Variants in LVRN observed in about 807,000 individuals in gnomAD.
The protein encoded by LVRN is aminopeptidase Q.
LVRN carries 99 observed loss-of-function variants against 111.4 expected under a neutral mutation model. That is an observed-to-expected ratio of 0.89 (90% CI 0.76 to 1.05). The LOEUF (loss-of-function observed/expected upper bound fraction) is 1.05, where lower values mean the gene tolerates loss of function less well. Ranked by LOEUF, LVRN falls within the 50% of genes least tolerant of loss-of-function variation. The pLI is 0.00. For missense variants in LVRN, 1,414 were observed against 1,206.8 expected (o/e 1.17, Z -2.54); for synonymous variants, 488 against 449.5 (o/e 1.09, Z -1.08).
chr5:115,997,512 T>C (rs1179185360), intron 6 of LVRN, among the ~76,000 whole-genome samples: 1 of 151,888 alleles, frequency 6.6e-6, no homozygotes, highest in Non-Finnish European at 1.5e-5. Flanking sequence ...AAAATTTTTT[T>C]AATTAGCAGG....
intron 18 of LVRN, among the ~76,000 whole-genome samples, chr5:116,020,427 T>G (rs143205660): frequency 6.6e-6 from 1 of 152,320 alleles, no homozygotes; most frequent in Non-Finnish European, 1.5e-5. Flanking sequence ...GAAAAACCAC[T>G]TTTATTTGAA....
chr5:116,015,388 A>G lies in LVRN; in HGVS notation c.2587A>G (p.Ser863Gly), dbSNP rs748228811. 2.6e-6 allele frequency: 4 copies of G among 1,533,376 alleles called. No homozygotes were observed. The South Asian group carries it at 5.0e-5, about 19-fold the overall frequency. 95.0% of individuals were successfully genotyped at this position (1,533,376 alleles called of 1,614,324 possible). Residue 863 changes from serine to glycine, a missense_variant, in exon 17 of 20, where the codon AGC (serine) becomes GGC (glycine). By Grantham distance (56) the Ser-to-Gly change is moderately conservative (BLOSUM62 0). Transcript: ENST00000357872. ...AAAGATTCAACTTGCTTATGCAATGAGCTGCAGCAAAGACCCATGGATACT... is the reference window on the plus strand; with the variant it reads ...AAAGATTCAACTTGCTTATGCAATGGGCTGCAGCAAAGACCCATGGATACT... ...EEKIQLAYAM[S>G]CSKDPWILNR...
chr5:115,963,849 C>T (rs1028699811), intron 1 of LVRN, among the ~76,000 whole-genome samples: 2 of 152,184 alleles, frequency 1.3e-5, no homozygotes, highest in African/African-American at 4.8e-5. Context: ...GTTTCTATTG[C>T]TGCCCCTTTT....
In LVRN at chr5:116,022,662, G is replaced by T. The variant is rs114306825; in HGVS notation, c.2832+196G>T. Reference sequence around the variant, plus strand: ...AATAGAGATCACCTGTTCATGGAGGGTGGCACTTCATCCTCTCTCACCTGA... The same window carrying T: ...AATAGAGATCACCTGTTCATGGAGGTTGGCACTTCATCCTCTCTCACCTGA... On this transcript the variant is annotated intron_variant, in intron 19 of 19. Transcript: ENST00000357872. Among the ~76,000 whole-genome samples the T allele has an allele frequency of 4.8e-3, 730 of 152,288 alleles. 5 individuals carry two copies. Among genetic ancestry groups the T allele is most frequent in the East Asian group, 0.024 (125 of 5,188 alleles).
intron 15 of LVRN, 72 bp downstream of exon 15, chr5:116,012,540 T>C: frequency 1.1e-6 from 1 of 918,508 alleles, no homozygotes; most frequent in African/African-American, 1.7e-5. Context: ...AGTAATAAAA[T>C]AAAATCTTCA....
intron 6 of LVRN, among the ~76,000 whole-genome samples, chr5:115,998,879 G>C (rs898700809): frequency 6.6e-6 from 1 of 152,136 alleles, no homozygotes; most frequent in African/African-American, 2.4e-5. Flanking sequence ...GGTATTACTA[G>C]CCTAAAAATA....
In LVRN at chr5:115,999,718, G is replaced by A. The variant is rs764975860; in HGVS notation, c.1375-44G>A. On this transcript the variant is annotated intron_variant, in intron 6 of 19. Coordinates refer to ENST00000357872, the MANE Select transcript of LVRN (RefSeq NM_173800.5). The stretch of plus-strand genomic sequence containing the variant: ...TAGGGCCATAGAATTTTGGTCTTCT[G>A]TGACACCTCAGGAGTTAATGTGCCT... 1.9e-6 allele frequency: 3 copies of A among 1,597,642 alleles called. No homozygotes were observed. In the African/African-American group the frequency reaches 4.1e-5, roughly 22 times the overall value.
Position 116,010,903 on chromosome 5 carries a change from ATTCT to A in LVRN, c.2247+15_2247+18del. 6.5e-7 allele frequency: 1 copy of A among 1,539,916 alleles called. No homozygotes were observed. The highest frequency in any genetic ancestry group is 8.7e-7 in the Non-Finnish European group (1 of 1,146,526). On this transcript the variant is annotated intron_variant, in intron 14 of 19. Transcript: ENST00000357872. ...TATACTCATTATTAAAGGTAATTTCATTCTTTCTTATGTAGTTTTTAAATAAATC... is the reference window on the plus strand; with the variant it reads ...TATACTCATTATTAAAGGTAATTTCATTCTTATGTAGTTTTTAAATAAATC...
intron 12 of LVRN, among the ~76,000 whole-genome samples, chr5:116,004,695 C>A (rs1298980151): frequency 2.6e-5 from 4 of 152,132 alleles, no homozygotes; most frequent in African/African-American, 9.7e-5. Flanking sequence ...CTCTTCCTAA[C>A]AGAAAGATCA....
chr5:115,980,120 C>T (rs1208025065), intron 1 of LVRN, among the ~76,000 whole-genome samples: 2 of 152,094 alleles, frequency 1.3e-5, no homozygotes, highest in East Asian at 1.9e-4. Flanking sequence ...ACTCCCTCAC[C>T]AGCTGACCAT....
intron 6 of LVRN, among the ~76,000 whole-genome samples, chr5:115,994,553 G>A (rs190748273): frequency 1.3e-5 from 2 of 152,174 alleles, no homozygotes; most frequent in African/African-American, 2.4e-5. Flanking sequence ...GATTACAGGC[G>A]TGAGCTACCG....
intron 10 of LVRN, among the ~76,000 whole-genome samples, chr5:116,002,137 G>A (rs1016943417): frequency 6.6e-6 from 1 of 152,202 alleles, no homozygotes; most frequent in African/African-American, 2.4e-5. Flanking sequence ...GTACTACTCT[G>A]TGGTTTTTGA....
intron 1 of LVRN, among the ~76,000 whole-genome samples, chr5:115,970,572 A>C (rs1753303440): frequency 6.6e-6 from 1 of 151,914 alleles, no homozygotes; most frequent in Non-Finnish European, 1.5e-5. Flanking sequence ...ATTTCAGTAG[A>C]GATGGGGTTT....
chr5:116,014,328 C>T lies in LVRN; in HGVS notation c.2343-92C>T, dbSNP rs909913639. ...GTCATTGAAAGGATATTTAAAAATA[C>T]CCATCTTTTTATGAAACACATATTC... On this transcript the variant is annotated intron_variant, in intron 15 of 19. Coordinates refer to ENST00000357872, the MANE Select transcript of LVRN (RefSeq NM_173800.5). The T allele has an allele frequency of 4.6e-6, 4 of 868,042 alleles. No individual in the cohort carries two copies. The African/African-American group carries it at 5.2e-5, about 11-fold the overall frequency. The allele number at this position is 868,042 out of a possible 1,614,324, so 53.8% of individuals were successfully genotyped here.
intron 1 of LVRN, among the ~76,000 whole-genome samples, chr5:115,967,541 C>T (rs1753229047): frequency 1.3e-5 from 2 of 152,140 alleles, no homozygotes; most frequent in African/African-American, 4.8e-5. Flanking sequence ...TACAATAAGT[C>T]TTGAAATTGT....
At chr5:115,977,016 A>G (rs553062339) in intron 1 of LVRN, among the ~76,000 whole-genome samples, 2 of 152,274 alleles carry the variant, frequency 1.3e-5, no homozygotes, top group South Asian at 2.1e-4. Context: ...GAAGATTTCA[A>G]TACTCTGGCT....
chr5:115,975,067 A>G (rs1753411182), intron 1 of LVRN: 1 of 323,562 alleles, frequency 3.1e-6, no homozygotes, highest in South Asian at 3.1e-5. Context: ...TATTTGCTTC[A>G]CTAAACTTAA....
intron 1 of LVRN, among the ~76,000 whole-genome samples, chr5:115,968,694 A>G (rs1156381252): frequency 6.6e-6 from 1 of 152,188 alleles, no homozygotes; most frequent in Non-Finnish European, 1.5e-5. Context: ...AGAAAAGAAC[A>G]AATGGAGAAA....
At chr5:116,012,268 C>A in intron 14 of LVRN, 106 bp from the exon 15 acceptor site, 2 of 650,152 alleles carry the variant, frequency 3.1e-6, no homozygotes, top group South Asian at 1.7e-5. Flanking sequence ...GAAGAAATAT[C>A]TGCCACTTGT....
Sources: gnomAD v4.1 joint callset for allele counts (sites outside exome capture counted in the v4.1 genomes callset) on GRCh38, gnomAD v4.1.1 for gene constraint, MANE v1.5 for transcripts, NCBI Gene and HGNC (gene_info 2026-07-23, HGNC 2026-07-21) for gene names.